Variants in ANTXR1 observed in about 807,000 individuals in gnomAD.
The protein encoded by ANTXR1 is ANTXR cell adhesion molecule 1.
Under a neutral mutation model 78.1 loss-of-function variants are expected in ANTXR1, and 19 were observed. The ratio of observed to expected loss-of-function variants is 0.24; its 90% CI spans 0.17 to 0.36. ANTXR1 has a LOEUF of 0.36. ANTXR1 is among the 10% of genes least tolerant of loss of function. The probability of loss-of-function intolerance (pLI) is 1.00; values close to 1 mark genes in which losing one functional copy is unlikely to be tolerated. For missense variants in ANTXR1, 518 were observed against 718.6 expected, an observed-to-expected ratio of 0.72 and a Z score of 3.19; for synonymous variants, 273 against 260.5, an observed-to-expected ratio of 1.05 and a Z score of -0.46.
At chr2:69,062,742 A>C (rs1350465654) in intron 3 of ANTXR1, among the ~76,000 whole-genome samples, 1 of 152,240 alleles carries the variant, frequency 6.6e-6, no homozygotes, top group East Asian at 1.9e-4. Context: ...AACATAGTTA[A>C]TAGAAACAAA....
At chr2:69,214,541 A>T (rs1233197003) in intron 17 of ANTXR1, among the ~76,000 whole-genome samples, 1 of 152,106 alleles carries the variant, frequency 6.6e-6, no homozygotes, top group African/African-American at 2.4e-5. Flanking sequence ...GCCAGGGTAA[A>T]CCTTCCTTCC....
At chr2:69,198,104 A>G (rs746580772) in intron 17 of ANTXR1, among the ~76,000 whole-genome samples, 1 of 152,226 alleles carries the variant, frequency 6.6e-6, no homozygotes, top group Non-Finnish European at 1.5e-5. Context: ...CATTGTGCAC[A>G]TTCACAAATG....
intron 13 of ANTXR1, among the ~76,000 whole-genome samples, chr2:69,163,729 C>T (rs1392327915): frequency 6.6e-6 from 1 of 152,178 alleles, no homozygotes; most frequent in Non-Finnish European, 1.5e-5. Flanking sequence ...AAGGACACAC[C>T]TAAGTGAGAA....
Position 69,124,652 on chromosome 2 carries a change from T to C in ANTXR1, c.951+9T>C. 3 of 1,613,734 alleles carry C rather than the reference T, an allele frequency of 1.9e-6. No homozygotes were observed. The highest frequency in any genetic ancestry group is 2.5e-6 in the Non-Finnish European group (3 of 1,179,588). On this transcript the variant is annotated intron_variant, in intron 12 of 17. Coordinates refer to ENST00000303714, the MANE Select transcript of ANTXR1 (RefSeq NM_032208.3). The stretch of plus-strand genomic sequence containing the variant: ...TCACCACCACACACTGTGTAAGTCA[T>C]AACCTTTCCCTTTACTAAAGATCTC...
intron 6 of ANTXR1, among the ~76,000 whole-genome samples, chr2:69,073,772 A>G (rs746243290): frequency 2.6e-5 from 4 of 152,210 alleles, no homozygotes; most frequent in Non-Finnish European, 2.9e-5. Flanking sequence ...CAAGTTTCAC[A>G]TTTGAGCTAT....
intron 14 of ANTXR1, among the ~76,000 whole-genome samples, chr2:69,171,352 T>C (rs1258510246): frequency 6.6e-6 from 1 of 152,236 alleles, no homozygotes; most frequent in Non-Finnish European, 1.5e-5. Context: ...ATTACATTGC[T>C]GTGCAAAGAA....
At chr2:69,226,546 C>T (rs935959462) in intron 17 of ANTXR1, among the ~76,000 whole-genome samples, 2 of 152,194 alleles carry the variant, frequency 1.3e-5, no homozygotes, top group African/African-American at 4.8e-5. Context: ...GGAGCAGCAA[C>T]AAAAGCAGTG....
At chr2:69,019,060 G>A (rs753097854) in intron 1 of ANTXR1, among the ~76,000 whole-genome samples, 4 of 152,092 alleles carry the variant, frequency 2.6e-5, no homozygotes, top group Non-Finnish European at 2.9e-5. Flanking sequence ...TGATAAATTC[G>A]TAATTTGTTC....
At chr2:69,192,375 T>G (rs1392664737) in intron 16 of ANTXR1, among the ~76,000 whole-genome samples, 1 of 152,100 alleles carries the variant, frequency 6.6e-6, no homozygotes, top group Non-Finnish European at 1.5e-5. Context: ...CACCCACTGG[T>G]TTATGGCCGC....
chr2:69,185,086 T>C (rs375351434), intron 16 of ANTXR1, among the ~76,000 whole-genome samples: 2 of 152,198 alleles, frequency 1.3e-5, no homozygotes, highest in Admixed American at 1.3e-4. Context: ...TTAGTCTCTG[T>C]AGTAAAGCAC....
chr2:69,144,226 G>C (rs774138587), intron 12 of ANTXR1, among the ~76,000 whole-genome samples: 13 of 152,204 alleles, frequency 8.5e-5, no homozygotes, highest in Non-Finnish European at 1.9e-4. Context: ...CGGCAGGTGT[G>C]CAGAGGCCTC....
chr2:69,189,327 T>C (rs762613567), intron 16 of ANTXR1, among the ~76,000 whole-genome samples: 31 of 152,322 alleles, frequency 2.0e-4, no homozygotes, highest in African/African-American at 7.2e-4. Context: ...GCCTTTATTA[T>C]TGATAACAGC....
chr2:69,132,146 G>A (rs1023875306), intron 12 of ANTXR1, among the ~76,000 whole-genome samples: 6 of 152,204 alleles, frequency 3.9e-5, no homozygotes, highest in African/African-American at 9.6e-5. Flanking sequence ...CATTGGCATG[G>A]CCTGAGCTCA....
chr2:69,116,014 C>T (rs965785454), intron 10 of ANTXR1, among the ~76,000 whole-genome samples: 9 of 152,218 alleles, frequency 5.9e-5, no homozygotes, highest in East Asian at 3.8e-4. Flanking sequence ...CATTCCCATT[C>T]GGCTTTGAAT....
chr2:69,090,503 A>T, intron 8 of ANTXR1: 1 of 343,104 alleles, frequency 2.9e-6, no homozygotes, highest in Non-Finnish European at 5.6e-6. Flanking sequence ...ACCTACCAAT[A>T]GGAGTGGCCA....
chr2:69,171,813 T>C (rs1413991933), intron 14 of ANTXR1, among the ~76,000 whole-genome samples: 1 of 152,200 alleles, frequency 6.6e-6, no homozygotes. Flanking sequence ...AAGCCCAAAC[T>C]AGAAAACCAT....
intron 8 of ANTXR1, among the ~76,000 whole-genome samples, chr2:69,077,734 G>T (rs552692772): frequency 2.4e-4 from 37 of 152,306 alleles, no homozygotes; most frequent in African/African-American, 8.2e-4. Context: ...AGTGAGCCAG[G>T]CTTCAGGAGG....
At chr2:69,075,449 G>T in intron 6 of ANTXR1, 141 bp from the exon 7 acceptor site, 1 of 801,356 alleles carries the variant, frequency 1.2e-6, no homozygotes, top group Non-Finnish European at 2.2e-6. Flanking sequence ...CCTGGGGACA[G>T]GGATTGCCTT....
intron 3 of ANTXR1, among the ~76,000 whole-genome samples, chr2:69,069,994 A>G (rs973666877): frequency 8.5e-5 from 13 of 152,198 alleles, no homozygotes; most frequent in African/African-American, 2.9e-4. Flanking sequence ...CTTACATCCC[A>G]GAGAGAATGG....
Sources: gnomAD v4.1 joint callset for allele counts (sites outside exome capture counted in the v4.1 genomes callset) on GRCh38, gnomAD v4.1.1 for gene constraint, MANE v1.5 for transcripts, NCBI Gene and HGNC (gene_info 2026-07-23, HGNC 2026-07-21) for gene names.